The following PTK2 variants were observed in gnomAD, a reference collection of about 807,000 sequenced individuals.
The protein encoded by PTK2 is focal adhesion kinase 1.
PTK2 carries 45 observed loss-of-function variants against 150.1 expected under a neutral mutation model. That is an observed-to-expected ratio of 0.30 (90% CI 0.24 to 0.38). The LOEUF (loss-of-function observed/expected upper bound fraction) is 0.38, where lower values mean the gene tolerates loss of function less well. Among genes scored for constraint, PTK2 ranks in the 10% least tolerant of loss-of-function variants. The pLI, the probability that PTK2 is intolerant of heterozygous loss-of-function variation, is 1.00. For missense variants in PTK2, 919 were observed against 1,307.3 expected (o/e 0.70, Z 4.58); for synonymous variants, 432 against 449.2 (o/e 0.96, Z 0.48).
At chr8:140,852,667 T>A (rs1488603765) in intron 5 of PTK2, among the ~76,000 whole-genome samples, 1 of 152,238 alleles carries the variant, frequency 6.6e-6, no homozygotes, top group Non-Finnish European at 1.5e-5. Flanking sequence ...TTTTAAAATG[T>A]GTATATGTTG....
intron 3 of PTK2, among the ~76,000 whole-genome samples, chr8:140,885,597 C>G (rs11998619): frequency 0.41 from 62,514 of 151,994 alleles, 14,751 homozygotes; most frequent in Non-Finnish European, 0.54. Context: ...CATGCCCTGG[C>G]AGGCAGAGTT....
At chr8:140,974,732 G>GC (rs2100188650) in intron 1 of PTK2, among the ~76,000 whole-genome samples, 1 of 152,154 alleles carries the variant, frequency 6.6e-6, no homozygotes, top group Non-Finnish European at 1.5e-5. Context: ...TTCTGATAAT[G>GC]TGATGAAAGC....
At chr8:140,773,631 G>C (rs1333450939) in intron 14 of PTK2, among the ~76,000 whole-genome samples, 1 of 152,140 alleles carries the variant, frequency 6.6e-6, no homozygotes, top group African/African-American at 2.4e-5. Flanking sequence ...AGGTGAGGTG[G>C]ATGAAGAGTT....
intron 27 of PTK2, among the ~76,000 whole-genome samples, chr8:140,677,623 G>A (rs2100014675): frequency 6.6e-6 from 1 of 152,104 alleles, no homozygotes; most frequent in African/African-American, 2.4e-5. Context: ...TACAATACAA[G>A]TGCTATAAAA....
intron 24 of PTK2, among the ~76,000 whole-genome samples, chr8:140,704,300 G>T (rs1401259768): frequency 6.6e-6 from 1 of 152,150 alleles, no homozygotes; most frequent in Non-Finnish European, 1.5e-5. Context: ...AGGAGAATTT[G>T]GGCTTGGGAA....
rs1404512777 is a variant in PTK2, at chr8:140,820,096, TTTTTTTTTTTTTTTTTTTTTTTA to T, written c.649-1099_649-1077del. 5.1e-3 allele frequency among the ~76,000 whole-genome samples: 442 copies of T among 87,182 alleles called. 15 individuals carry two copies. Among genetic ancestry groups the T allele is most frequent in the African/African-American group, 0.013 (230 of 17,544 alleles). The allele number at this position is 87,182 out of a possible 152,430, so 57.2% of individuals were successfully genotyped here. On this transcript the variant is annotated intron_variant, in intron 8 of 31. Transcript: ENST00000522684. ...CTTTGGTTTTTTTTTTTTTTTTTTT[TTTTTTTTTTTTTTTTTTTTTTTA>T]AATAGGGTCTCACTCTGTCGCCCAG...
At chr8:140,809,262 ATAG>A (rs2100100031) in intron 10 of PTK2, among the ~76,000 whole-genome samples, 1 of 152,224 alleles carries the variant, frequency 6.6e-6, no homozygotes, top group African/African-American at 2.4e-5. Flanking sequence ...ATGAAAATGA[ATAG>A]TACTGCTGCA....
chr8:140,800,074 G>C (rs2100094051), intron 12 of PTK2, among the ~76,000 whole-genome samples: 1 of 152,052 alleles, frequency 6.6e-6, no homozygotes, highest in African/African-American at 2.4e-5. Flanking sequence ...AGATATATAA[G>C]AAAAAGTAGA....
chr8:140,919,788 C>T (rs77376011), intron 2 of PTK2, among the ~76,000 whole-genome samples: 1 of 152,116 alleles, frequency 6.6e-6, no homozygotes, highest in Non-Finnish European at 1.5e-5. Flanking sequence ...CTCTGAGTAT[C>T]TAATTACATA....
chr8:140,913,673 A>T (rs1249769847), intron 2 of PTK2, among the ~76,000 whole-genome samples: 9 of 152,186 alleles, frequency 5.9e-5, no homozygotes, highest in Non-Finnish European at 1.3e-4. Flanking sequence ...ATTAAGATCT[A>T]TCACACATTG....
At chr8:140,762,132 T>C (rs2100069750) in intron 15 of PTK2, among the ~76,000 whole-genome samples, 1 of 152,162 alleles carries the variant, frequency 6.6e-6, no homozygotes, top group Non-Finnish European at 1.5e-5. Context: ...CCAAATATTT[T>C]TACATGTTCT....
At chr8:140,969,191 TCTC>T (rs2100186361) in intron 1 of PTK2, among the ~76,000 whole-genome samples, 1 of 151,786 alleles carries the variant, frequency 6.6e-6, no homozygotes, top group Admixed American at 6.6e-5. Context: ...AGACCCAGAG[TCTC>T]CTCCTAACAT....
intron 4 of PTK2, among the ~76,000 whole-genome samples, chr8:140,871,860 C>A (rs1383324540): frequency 6.6e-6 from 1 of 152,102 alleles, no homozygotes. Context: ...GCCTGTTTAA[C>A]AAGGCAAGAC....
intron 5 of PTK2, among the ~76,000 whole-genome samples, chr8:140,862,297 G>A (rs1326857264): frequency 2.0e-5 from 3 of 152,058 alleles, no homozygotes; most frequent in Admixed American, 6.5e-5. Context: ...AGAGAAAAAT[G>A]CTAAATAAAC....
rs557968104 is a variant in PTK2, at chr8:140,672,304, T to C, written c.2709+1994A>G. The C allele has an allele frequency of 5.5e-4, 176 of 322,418 alleles. 2 individuals carry two copies. Among genetic ancestry groups the C allele is most frequent in the South Asian group, 4.1e-3 (166 of 40,864 alleles). 20.0% of individuals were successfully genotyped at this position (322,418 alleles called of 1,614,324 possible). On this transcript the variant is annotated intron_variant, in intron 29 of 31. Transcript: ENST00000522684. Reference sequence around the variant, plus strand: ...TCAGCCTCCCGAGTAGCTGGGACTATAGTCATAGAGGTGCGCCACCATGTC... The same window carrying C: ...TCAGCCTCCCGAGTAGCTGGGACTACAGTCATAGAGGTGCGCCACCATGTC...
At chr8:140,923,156 G>A (rs1013419804) in intron 2 of PTK2, among the ~76,000 whole-genome samples, 1 of 152,156 alleles carries the variant, frequency 6.6e-6, no homozygotes, top group Non-Finnish European at 1.5e-5. Context: ...GATCTTGAGA[G>A]TATAGGAAGA....
At chr8:140,911,958 C>T (rs1011319578) in intron 2 of PTK2, among the ~76,000 whole-genome samples, 10 of 152,170 alleles carry the variant, frequency 6.6e-5, no homozygotes, top group Middle Eastern at 3.4e-3. Flanking sequence ...ATAGGCCAGG[C>T]GCGGTGACTC....
At chr8:140,755,227 GA>G (rs1437372103) in intron 16 of PTK2, among the ~76,000 whole-genome samples, 1 of 152,102 alleles carries the variant, frequency 6.6e-6, no homozygotes, top group Non-Finnish European at 1.5e-5. Flanking sequence ...TTGAAGGAAA[GA>G]AAAAACAAGC....
intron 1 of PTK2, among the ~76,000 whole-genome samples, chr8:140,937,450 A>T (rs1164346460): frequency 6.6e-6 from 1 of 152,138 alleles, no homozygotes; most frequent in Non-Finnish European, 1.5e-5. Flanking sequence ...TAAAGCCTGG[A>T]CATAATTACA....
Sources: gnomAD v4.1 joint callset for allele counts (sites outside exome capture counted in the v4.1 genomes callset) on GRCh38, gnomAD v4.1.1 for gene constraint, MANE v1.5 for transcripts, NCBI Gene and HGNC (gene_info 2026-07-23, HGNC 2026-07-21) for gene names.